The following SPRED3 variants were observed in gnomAD, a reference collection of about 807,000 sequenced individuals.
SPRED3 encodes sprouty-related, EVH1 domain-containing protein 3.
A neutral mutation model predicts 37.6 loss-of-function variants in SPRED3; 23 were observed. The observed-to-expected ratio is 0.61, with a 90% CI of 0.44 to 0.87. SPRED3 has a LOEUF of 0.87. Among genes scored for constraint, SPRED3 ranks in the 40% least tolerant of loss-of-function variants. SPRED3 has a pLI of 0.00. For missense variants in SPRED3, 584 were observed against 618.6 expected (o/e 0.94, Z 0.59); for synonymous variants, 302 against 279.6 (o/e 1.08, Z -0.80).
rs570998415 is a variant in SPRED3, at chr19:38,396,934, T to C, written c.*789T>C. 6 of 152,162 alleles carry C rather than the reference T, an allele frequency of 3.9e-5. No individual in the cohort carries two copies. The East Asian group carries it at 9.7e-4, about 25-fold the overall frequency. The allele number at this position is 152,162 out of a possible 1,614,324, so 9.4% of individuals were successfully genotyped here. ...GGATATACTGAAACACGAGCTGTTC[T>C]CTTACCAAAATGACTTGGGAGACCC... On this transcript the variant is annotated 3_prime_UTR_variant, in exon 6 of 6. Transcript: ENST00000691638.
At position 38,398,436 on chromosome 19, in the gene SPRED3, C is replaced by T. The variant is rs1196528837; in HGVS notation, c.*2291C>T. On this transcript the variant is annotated 3_prime_UTR_variant, in exon 6 of 6. Transcript: ENST00000691638. ...TATTTTGAGTAGAGACAGGGTTTCA[C>T]CATGTTGGCCAGGATGGTCTCAAAC... 1.3e-5 allele frequency: 2 copies of T among 152,080 alleles called. No individual in the cohort carries two copies. The highest frequency in any genetic ancestry group is 2.9e-5 in the Non-Finnish European group (2 of 68,054). 9.4% of individuals were successfully genotyped at this position (152,080 alleles called of 1,614,324 possible). A position where few individuals can be genotyped will look rare whatever the true frequency, so the allele number is the denominator to read the frequency against.
In SPRED3 at chr19:38,395,669, G is replaced by A; in HGVS notation, c.757G>A (p.Gly253Ser). ...CGGCGCGTTGAGGGGCGCTGCCCTGGGTCCCCCAGCGGCACTACCTGCCCC... is the reference window on the plus strand; with the variant it reads ...CGGCGCGTTGAGGGGCGCTGCCCTGAGTCCCCCAGCGGCACTACCTGCCCC... ...KTGALRGAAL[G>S]PPAALPAPLT... Residue 253 changes from glycine (G) to serine (S), a missense_variant, in exon 6 of 6, where the codon GGT (glycine) becomes AGT (serine). Physicochemically the swap from Gly to Ser is moderately conservative, Grantham distance 56. Transcript: ENST00000691638. This position sits in a 1 kb window ranked among gnomAD's most constrained non-coding sequence, Gnocchi z 5.2. 1.3e-6 allele frequency: 2 copies of A among 1,508,760 alleles called. No homozygotes were observed. The highest frequency in any genetic ancestry group is 1.8e-6 in the Non-Finnish European group (2 of 1,140,406). 93.5% of individuals were successfully genotyped at this position (1,508,760 alleles called of 1,614,324 possible). A position where few individuals can be genotyped will look rare whatever the true frequency, so the allele number is the denominator to read the frequency against.
chr19:38,392,291 G>A lies in SPRED3; in HGVS notation c.423+3G>A. On this transcript the variant is annotated splice_donor_region_variant and intron_variant, in intron 4 of 5. Transcript: ENST00000691638. ...CAGAGACCCCCTGCCCTCTGACGGT[G>A]AGTGTCCAGGATGCCTCTCTGCTGG... is the stretch of plus-strand genomic sequence containing the variant. 1.3e-6 allele frequency: 2 copies of A among 1,545,768 alleles called. No individual in the cohort carries two copies. Among genetic ancestry groups the A allele is most frequent in the Non-Finnish European group, 1.7e-6 (2 of 1,147,710 alleles).
chr19:38,396,658 G>A lies in SPRED3; in HGVS notation c.*513G>A, dbSNP rs1158914183. ...AAACAGTTCCTGAATATTCACCTAAGACCTGGTGCCCCCACATCTGAGACA... is the reference window on the plus strand; with the variant it reads ...AAACAGTTCCTGAATATTCACCTAAAACCTGGTGCCCCCACATCTGAGACA... On this transcript the variant is annotated 3_prime_UTR_variant, in exon 6 of 6. Transcript: ENST00000691638. 6.6e-6 allele frequency: 1 copy of A among 152,090 alleles called. No individual in the cohort carries two copies. The highest frequency in any genetic ancestry group is 2.4e-5 in the African/African-American group (1 of 41,384). 9.4% of individuals were successfully genotyped at this position (152,090 alleles called of 1,614,324 possible). A position where few individuals can be genotyped will look rare whatever the true frequency, so the allele number is the denominator to read the frequency against.
chr19:38,394,686 A>G lies in SPRED3; in HGVS notation c.467A>G (p.Glu156Gly), dbSNP rs1970872056. ...TCCTCCTCCAGTCACAGCCGCCAGG[A>G]GACTCCTCCCAGCGCCGCTGCGGCC... ...SDSSSSHSRQ[E>G]TPPSAAAAPI... Residue 156 changes from glutamate (E) to glycine (G), a missense_variant, in exon 5 of 6, where the codon GAG (glutamate) becomes GGG (glycine). Glu to Gly is a moderately conservative substitution (Grantham distance 98, BLOSUM62 -2). This residue lies in a region of SPRED3 where 310 missense variants were observed against 281.1 expected (regional missense o/e 1.10). Coordinates refer to ENST00000691638, the MANE Select transcript of SPRED3 (RefSeq NM_001394336.1). 8 of 1,599,146 alleles carry G rather than the reference A, an allele frequency of 5.0e-6. No homozygotes were observed. Among genetic ancestry groups the G allele is most frequent in the Non-Finnish European group, 6.0e-6 (7 of 1,175,816 alleles).
chr19:38,395,535 C>A lies in SPRED3; in HGVS notation c.623C>A (p.Ala208Glu). 6.5e-7 allele frequency: 1 copy of A among 1,541,604 alleles called. No individual in the cohort carries two copies. Among genetic ancestry groups the A allele is most frequent in the Admixed American group, 2.1e-5 (1 of 47,640 alleles). The change falls in exon 6 of 6, where the codon GCA becomes GAA. Residue 208 changes from alanine (A) to glutamate (E), a missense_variant. Physicochemically the swap from Ala to Glu is moderately radical, Grantham distance 107 (BLOSUM62 -1). This residue lies in a region of SPRED3 where 310 missense variants were observed against 281.1 expected (regional missense o/e 1.10). Transcript: ENST00000691638. This position sits in a 1 kb window ranked among gnomAD's most constrained non-coding sequence, Gnocchi z 5.2. ...ATTCCGGAACCCTCAGAGCCCCTGG[C>A]AGGGGCAGGGGGCCTGGGGTGGGGC... is the stretch of plus-strand genomic sequence containing the variant. ...TGIPEPSEPL[A>E]GAGGLGWGGR...
intron 1 of SPRED3, chr19:38,389,608 T>C (rs996325945): frequency 6.6e-6 from 1 of 152,328 alleles, no homozygotes; most frequent in Non-Finnish European, 1.5e-5. Context: ...GTGAATGAAA[T>C]GCTCTCTGGA....
Position 38,392,152 on chromosome 19 carries a change from G to A in SPRED3, c.346+38G>A, listed in dbSNP as rs758357161. ...GGTGATGTGCACTGTGGGCTGGCCT[G>A]GGAGCGGGAGGAGAAGCTGGGCTCA... is the stretch of plus-strand genomic sequence containing the variant. On this transcript the variant is annotated intron_variant, in intron 3 of 5. Transcript: ENST00000691638. 5 of 1,609,092 alleles carry A rather than the reference G, an allele frequency of 3.1e-6. No homozygotes were observed. In the Admixed American group the frequency reaches 6.7e-5, roughly 21 times the overall value.
At chr19:38,394,830 C>T in intron 5 of SPRED3, 44 bp downstream of exon 5, 5 of 1,493,076 alleles carry the variant, frequency 3.3e-6, no homozygotes, top group South Asian at 2.6e-5. Context: ...TGGGGCGGTG[C>T]ACTCGGGGCC....
At chr19:38,394,253 G>C in intron 4 of SPRED3, 1 of 1,373,534 alleles carries the variant, frequency 7.3e-7, no homozygotes, top group Non-Finnish European at 9.7e-7. Context: ...TGGCTGCCCA[G>C]GGGAGAGGGA....
At chr19:38,394,482 C>A in intron 4 of SPRED3, 161 bp from the exon 5 acceptor site, 1 of 1,499,348 alleles carries the variant, frequency 6.7e-7, no homozygotes, top group Non-Finnish European at 9.3e-7. Context: ...AAGAGGTGAG[C>A]TCACTTGCCG....
intron 2 of SPRED3, among the ~76,000 whole-genome samples, chr19:38,391,045 G>T (rs971067239): frequency 1.3e-5 from 2 of 152,004 alleles, no homozygotes; most frequent in Non-Finnish European, 2.9e-5. Flanking sequence ...TGTGTGAAAG[G>T]CTTGGGGGAA....
intron 1 of SPRED3, chr19:38,389,987 G>A (rs958773497): frequency 7.5e-6 from 2 of 265,702 alleles, no homozygotes; most frequent in Non-Finnish European, 1.4e-5. Context: ...AAGCAGGAGG[G>A]GGAGGGAAGG....
Position 38,395,908 on chromosome 19 carries a change from G to T in SPRED3, c.996G>T (p.Leu332=). 1 of 1,511,062 alleles carries T rather than the reference G, an allele frequency of 6.6e-7. No individual in the cohort carries two copies. Among genetic ancestry groups the T allele is most frequent in the African/African-American group, 1.4e-5 (1 of 69,808 alleles). The allele number at this position is 1,511,062 out of a possible 1,614,324, so 93.6% of individuals were successfully genotyped here. The change falls in exon 6 of 6, where the codon CTG becomes CTT. Residue 332 remains leucine, a synonymous_variant. Coordinates refer to ENST00000691638, the MANE Select transcript of SPRED3 (RefSeq NM_001394336.1). This position sits in a 1 kb window ranked among gnomAD's most constrained non-coding sequence, Gnocchi z 5.2. ...GRLLVRRLSC[L]WCAESLLYHC... ...TCCTGGTGCGCCGTCTAAGCTGCCT[G>T]TGGTGCGCCGAGAGCTTGCTCTACC...
At position 38,396,058 on chromosome 19, in the gene SPRED3, C is replaced by T; in HGVS notation, c.1146C>T (p.Cys382=). ...ALSLAVPCLC[C]YAPLRACHWV... is the part of the protein sequence containing the mutation. ...CCCTGGCAGTGCCCTGCCTCTGCTG[C>T]TACGCGCCCCTGCGCGCGTGCCACT... The change falls in exon 6 of 6, where the codon TGC becomes TGT. Residue 382 remains cysteine, a synonymous_variant. Coordinates refer to ENST00000691638, the MANE Select transcript of SPRED3 (RefSeq NM_001394336.1). The T allele has an allele frequency of 7.4e-7, 1 of 1,357,012 alleles. No homozygotes were observed. Among genetic ancestry groups the T allele is most frequent in the Non-Finnish European group, 9.4e-7 (1 of 1,060,992 alleles). The allele number at this position is 1,357,012 out of a possible 1,614,324, so 84.1% of individuals were successfully genotyped here.
At chr19:38,394,524 G>A in intron 4 of SPRED3, 119 bp from the exon 5 acceptor site, 1 of 1,559,400 alleles carries the variant, frequency 6.4e-7, no homozygotes, top group Non-Finnish European at 8.7e-7. Context: ...GACAGAGCCG[G>A]GGTTTGAACC....
chr19:38,394,416 CT>C, intron 4 of SPRED3: 1 of 1,532,452 alleles, frequency 6.5e-7, no homozygotes, highest in Non-Finnish European at 9.0e-7. Flanking sequence ...TAACCGCATC[CT>C]TATGAATAGG....
Position 38,394,728 on chromosome 19 carries a change from A to C in SPRED3, c.509A>C (p.Glu170Ala), listed in dbSNP as rs1388651297. Reference protein sequence around the residue: ...SAAAAPIITMESASGFGPTTP... With the variant: ...SAAAAPIITMASASGFGPTTP... ...GCTGCGGCCCCCATCATCACGATGG[A>C]GTCAGCTTCAGGCTTCGGGCCGACC... Residue 170 changes from glutamate (E) to alanine (A), a missense_variant, in exon 5 of 6, where the codon GAG (glutamate) becomes GCG (alanine). By Grantham distance (107) the Glu-to-Ala change is moderately radical. Around this residue, in one of 7 missense-constraint regions of SPRED3, gnomAD observed 310 missense variants for 281.1 expected, o/e 1.10. Transcript: ENST00000691638. 6.3e-7 allele frequency: 1 copy of C among 1,590,600 alleles called. No individual in the cohort carries two copies. The highest frequency in any genetic ancestry group is 8.5e-7 in the Non-Finnish European group (1 of 1,171,264).
intron 2 of SPRED3, among the ~76,000 whole-genome samples, chr19:38,391,315 G>T (rs1970829566): frequency 6.9e-6 from 1 of 144,194 alleles, no homozygotes; most frequent in African/African-American, 2.6e-5. Flanking sequence ...CACAGAGAGA[G>T]CTCATCTGGA....
Sources: allele counts gnomAD v4.1 joint callset (sites outside exome capture counted in the v4.1 genomes callset), GRCh38; gene constraint gnomAD v4.1.1; regional missense constraint gnomAD v4.1.1; non-coding constraint Gnocchi (gnomAD v3.1); transcripts MANE v1.5; gene names NCBI Gene and HGNC (gene_info 2026-07-23, HGNC 2026-07-21).